The following HMCN1 variants were observed in gnomAD, a reference collection of about 807,000 sequenced individuals.
HMCN1 encodes hemicentin 1, also known as hemicentin-1.
A neutral mutation model predicts 625.9 loss-of-function variants in HMCN1; 321 were observed. The observed-to-expected ratio is 0.51, with a 90% confidence interval of 0.47 to 0.56. The LOEUF (loss-of-function observed/expected upper bound fraction) is 0.56. HMCN1 is among the 20% of genes least tolerant of loss of function. The pLI is 0.00. For missense variants in HMCN1, 6,588 were observed against 6,887.3 expected (o/e 0.96, Z 1.54); for synonymous variants, 2,425 against 2,417.6 (o/e 1.00, Z -0.09).
chr1:185,934,367 C>A (rs529868106), intron 11 of HMCN1, among the ~76,000 whole-genome samples: 1 of 152,202 alleles, frequency 6.6e-6, no homozygotes, highest in African/African-American at 2.4e-5. Flanking sequence ...CACATACACA[C>A]GCGAGTGCCT....
intron 97 of HMCN1, among the ~76,000 whole-genome samples, 165 bp downstream of exon 97, chr1:186,154,152 A>C (rs1650848817): frequency 6.6e-6 from 1 of 152,194 alleles, no homozygotes; most frequent in South Asian, 2.1e-4. Context: ...AGCCAACCCA[A>C]TTGGAGTTCT....
intron 1 of HMCN1, among the ~76,000 whole-genome samples, chr1:185,751,128 C>T (rs1571302967): frequency 6.6e-6 from 1 of 152,052 alleles, no homozygotes; most frequent in South Asian, 2.1e-4. Flanking sequence ...TTCTAGCTCC[C>T]TACTCCTTCA....
chr1:186,154,340 C>T (rs1294105204), intron 97 of HMCN1, among the ~76,000 whole-genome samples: 1 of 152,040 alleles, frequency 6.6e-6, no homozygotes, highest in African/African-American at 2.4e-5. Context: ...TCAGGAGTTC[C>T]AGACCAGCCT....
chr1:185,938,349 C>T (rs1667922094), intron 11 of HMCN1, among the ~76,000 whole-genome samples: 1 of 152,170 alleles, frequency 6.6e-6, no homozygotes, highest in Admixed American at 6.5e-5. Context: ...TCCCCATAAG[C>T]ATATGACTAA....
At chr1:185,914,099 C>T (rs941799733) in intron 6 of HMCN1, among the ~76,000 whole-genome samples, 22 of 152,088 alleles carry the variant, frequency 1.4e-4, no homozygotes, top group African/African-American at 5.3e-4. Flanking sequence ...TTAGTGCTAA[C>T]AACAACTAAA....
intron 11 of HMCN1, among the ~76,000 whole-genome samples, chr1:185,937,353 A>AT (rs1667861183): frequency 6.6e-6 from 1 of 152,172 alleles, no homozygotes; most frequent in African/African-American, 2.4e-5. Flanking sequence ...TTCCACTTGC[A>AT]TCAGCACATG....
At chr1:185,891,407 C>T (rs936409819) in intron 4 of HMCN1, among the ~76,000 whole-genome samples, 17 of 148,302 alleles carry the variant, frequency 1.1e-4, no homozygotes, top group Admixed American at 3.9e-4. Flanking sequence ...TTGCTAGTCT[C>T]GATGTTCTTT....
At chr1:185,809,637 AAATAATAGTAAGTAGTATCTTAAC>A (rs1659388258) in intron 1 of HMCN1, among the ~76,000 whole-genome samples, 1 of 152,030 alleles carries the variant, frequency 6.6e-6, no homozygotes, top group Non-Finnish European at 1.5e-5. Context: ...GCACTCCTGG[AAATAATAGTAAGTAGTATCTTAAC>A]ACACTTTTTG....
At chr1:186,004,051 G>A (rs1014593765) in intron 29 of HMCN1, among the ~76,000 whole-genome samples, 1 of 151,890 alleles carries the variant, frequency 6.6e-6, no homozygotes, top group African/African-American at 2.4e-5. Flanking sequence ...ATGAATGTTG[G>A]GAATTCATTT....
chr1:186,039,624 C>G (rs971198820), intron 38 of HMCN1, 104 bp from the exon 39 acceptor site: 2 of 1,271,128 alleles, frequency 1.6e-6, no homozygotes, highest in Non-Finnish European at 2.3e-6. Flanking sequence ...CAAGCAAACC[C>G]TCCAATAAGA....
intron 105 of HMCN1, among the ~76,000 whole-genome samples, chr1:186,186,091 G>C (rs1040887975): frequency 2.0e-4 from 31 of 152,062 alleles, no homozygotes; most frequent in African/African-American, 7.2e-4. Flanking sequence ...AAACTTCAGA[G>C]CTTCAGATTT....
chr1:185,810,861 T>C (rs28510615), intron 1 of HMCN1, among the ~76,000 whole-genome samples: 6,210 of 152,226 alleles, frequency 0.041, 413 homozygotes, highest in African/African-American at 0.14. Flanking sequence ...AGCTGGGTGA[T>C]GGTTTTATAA....
intron 1 of HMCN1, among the ~76,000 whole-genome samples, chr1:185,804,298 A>G (rs1262928078): frequency 6.6e-6 from 1 of 152,116 alleles, no homozygotes; most frequent in Non-Finnish European, 1.5e-5. Flanking sequence ...CTGCTTACTG[A>G]AACATTGACT....
chr1:186,126,947 T>C (rs1296656761), intron 82 of HMCN1, among the ~76,000 whole-genome samples: 1 of 152,092 alleles, frequency 6.6e-6, no homozygotes, highest in African/African-American at 2.4e-5. Flanking sequence ...GGGAAGACTC[T>C]CTGGAGGCAG....
intron 68 of HMCN1, among the ~76,000 whole-genome samples, chr1:186,096,385 C>T (rs568225692): frequency 2.0e-5 from 3 of 152,238 alleles, no homozygotes; most frequent in East Asian, 1.9e-4. Context: ...CTTAGCATGA[C>T]ATTTAATACA....
At chr1:186,163,118 C>A (rs1571444690) in intron 97 of HMCN1, among the ~76,000 whole-genome samples, 1 of 152,190 alleles carries the variant, frequency 6.6e-6, no homozygotes, top group Non-Finnish European at 1.5e-5. Context: ...ATGGCGGGCG[C>A]CCCTCCCCCA....
At chr1:186,021,111 A>G (rs753861630) in intron 35 of HMCN1, among the ~76,000 whole-genome samples, 24 of 152,106 alleles carry the variant, frequency 1.6e-4, no homozygotes, top group Non-Finnish European at 8.8e-5. Context: ...ATTTAGACTC[A>G]TATGTTGGCC....
chr1:185,815,370 T>C (rs1419014002), intron 1 of HMCN1, among the ~76,000 whole-genome samples: 1 of 150,226 alleles, frequency 6.7e-6, no homozygotes, highest in Non-Finnish European at 1.5e-5. Flanking sequence ...TCAAATAAGT[T>C]ACTCTTATTT....
At chr1:186,181,538 A>G (rs971003522) in intron 104 of HMCN1, among the ~76,000 whole-genome samples, 3 of 152,182 alleles carry the variant, frequency 2.0e-5, no homozygotes, top group African/African-American at 7.2e-5. Flanking sequence ...AGAATAAATG[A>G]GATCTTGAGA....
Sources: gnomAD v4.1 joint callset for allele counts (sites outside exome capture counted in the v4.1 genomes callset) on GRCh38, gnomAD v4.1.1 for gene constraint, MANE v1.5 for transcripts, NCBI Gene and HGNC (gene_info 2026-07-23, HGNC 2026-07-21) for gene names.